The following SLTM variants were observed in gnomAD, a reference collection of about 807,000 sequenced individuals.
SLTM encodes SAFB like transcription modulator.
In SLTM, 43 loss-of-function variants were observed where a neutral mutation model predicts 134.6. That is an observed-to-expected ratio of 0.32 (90% CI 0.25 to 0.41). SLTM has a LOEUF of 0.41. Ranked by LOEUF, SLTM falls within the 10% of genes least tolerant of loss-of-function variation. SLTM has a pLI of 1.00. For synonymous variants in SLTM, 424 were observed against 432.3 expected, an observed-to-expected ratio of 0.98 and a Z score of 0.24; for missense variants, 1,055 against 1,288.8, an observed-to-expected ratio of 0.82 and a Z score of 2.78.
At chr15:58,919,365 G>A (rs1033855110) in intron 2 of SLTM, among the ~76,000 whole-genome samples, 1 of 152,082 alleles carries the variant, frequency 6.6e-6, no homozygotes, top group Non-Finnish European at 1.5e-5. Flanking sequence ...GAGGCTGGAG[G>A]GGGAGAATCG....
At chr15:58,909,387 A>G (rs1295570684) in intron 5 of SLTM, among the ~76,000 whole-genome samples, 12 of 152,248 alleles carry the variant, frequency 7.9e-5, no homozygotes, top group African/African-American at 2.9e-4. Context: ...CAGAGATGCC[A>G]GTGAAGCAGC....
At chr15:58,929,867 CAA>C (rs1217981592) in intron 2 of SLTM, among the ~76,000 whole-genome samples, 7 of 152,170 alleles carry the variant, frequency 4.6e-5, no homozygotes, top group African/African-American at 1.2e-4. Flanking sequence ...GAATTTGAGA[CAA>C]GAGCATTCTT....
intron 2 of SLTM, among the ~76,000 whole-genome samples, chr15:58,921,979 T>C (rs1425481757): frequency 6.6e-6 from 1 of 152,138 alleles, no homozygotes; most frequent in Non-Finnish European, 1.5e-5. Flanking sequence ...TTCAGCATGT[T>C]GACCAGGCTA....
chr15:58,887,340 T>C lies in SLTM; in HGVS notation c.2576A>G (p.His859Arg), dbSNP rs1224785892. 1.2e-6 allele frequency: 2 copies of C among 1,614,076 alleles called. No individual in the cohort carries two copies. The highest frequency in any genetic ancestry group is 2.7e-5 in the African/African-American group (2 of 75,008). Residue 859 changes from histidine to arginine, a missense_variant, in exon 18 of 21, where the codon CAT (histidine) becomes CGT (arginine). Coordinates refer to ENST00000380516, the MANE Select transcript of SLTM (RefSeq NM_024755.4). The stretch of plus-strand genomic sequence containing the variant: ...AGGATGAGTGATATCAGGCCTGTCA[T>C]GAATAATCACCGTTCTCCTTTCGTC... ...ERDERRTVII[H>R]DRPDITHPRH... is the part of the protein sequence containing the mutation.
intron 2 of SLTM, among the ~76,000 whole-genome samples, chr15:58,922,646 T>A (rs1488771387): frequency 6.8e-6 from 1 of 147,136 alleles, no homozygotes; most frequent in Non-Finnish European, 1.5e-5. Context: ...ATATTATATA[T>A]TATATGCGTA....
At chr15:58,897,010 G>T in intron 9 of SLTM, 105 bp downstream of exon 9, 1 of 719,088 alleles carries the variant, frequency 1.4e-6, no homozygotes, top group South Asian at 1.7e-5. Context: ...ACAGTCCTAA[G>T]AGATACAATA....
Position 58,893,895 on chromosome 15 carries a change from T to A in SLTM, c.1574A>T (p.Asp525Val), listed in dbSNP as rs1439831009. The change falls in exon 12 of 21, where the codon GAT (aspartate) becomes GTT (valine). Residue 525 changes from aspartate (D) to valine (V), a missense_variant. Physicochemically the swap from Asp to Val is radical, Grantham distance 152. Transcript: ENST00000380516. ...SKDTKKIEGKDEKNDNGASGQ... is the reference protein window; with the variant it reads ...SKDTKKIEGKVEKNDNGASGQ... ...ACTTGCTCCATTATCATTCTTCTCA[T>A]CTTTACCTTCTATTTTCTTAGTATC... is the stretch of plus-strand genomic sequence containing the variant. 1 of 1,613,426 alleles carries A rather than the reference T, an allele frequency of 6.2e-7. No individual in the cohort carries two copies. The highest frequency in any genetic ancestry group is 1.3e-5 in the African/African-American group (1 of 75,000).
At chr15:58,911,586 A>C (rs1259323502) in intron 5 of SLTM, among the ~76,000 whole-genome samples, 1 of 151,764 alleles carries the variant, frequency 6.6e-6, no homozygotes, top group Admixed American at 6.6e-5. Context: ...TGGTTTTTAT[A>C]AGATTAAAAA....
chr15:58,907,553 C>T (rs2035949999), intron 5 of SLTM, among the ~76,000 whole-genome samples: 1 of 152,070 alleles, frequency 6.6e-6, no homozygotes, highest in African/African-American at 2.4e-5. Flanking sequence ...CCCAGGAGGT[C>T]AAGGCTGCAG....
At chr15:58,931,885 G>C (rs773391829) in intron 2 of SLTM, among the ~76,000 whole-genome samples, 1 of 152,084 alleles carries the variant, frequency 6.6e-6, no homozygotes, top group Non-Finnish European at 1.5e-5. Context: ...CTAAAAATTA[G>C]GAGGTATAAT....
intron 9 of SLTM, among the ~76,000 whole-genome samples, chr15:58,896,289 T>C (rs1312610422): frequency 8.5e-5 from 13 of 152,222 alleles, no homozygotes; most frequent in African/African-American, 2.9e-4. Flanking sequence ...CGTGGTGCGA[T>C]GGCTCACACC....
At chr15:58,892,435 A>G (rs1375640727) in intron 14 of SLTM, among the ~76,000 whole-genome samples, 1 of 152,238 alleles carries the variant, frequency 6.6e-6, no homozygotes. Context: ...TAAATTTGTT[A>G]AAATTTCAGA....
Position 58,911,516 on chromosome 15 carries a change from G to A in SLTM, c.561+1047C>T, listed in dbSNP as rs182354037. 1.4e-3 allele frequency among the ~76,000 whole-genome samples: 210 copies of A among 152,062 alleles called. 1 individual carries two copies. The highest frequency in any genetic ancestry group is 5.0e-3 in the African/African-American group (205 of 41,386). Reference sequence around the variant, plus strand: ...ACCAATGGGCGCTGACTCCCTTCACGGGGGATGCATGCATTTATCAGATGA... The same window carrying A: ...ACCAATGGGCGCTGACTCCCTTCACAGGGGATGCATGCATTTATCAGATGA... On this transcript the variant is annotated intron_variant, in intron 5 of 20. Transcript: ENST00000380516.
chr15:58,917,200 C>T (rs142936504), intron 2 of SLTM, among the ~76,000 whole-genome samples: 114 of 152,288 alleles, frequency 7.5e-4, no homozygotes, highest in African/African-American at 2.6e-3. Flanking sequence ...TGAAATACAC[C>T]GTGCACAGAA....
chr15:58,900,056 G>GA, intron 6 of SLTM, 119 bp from the exon 7 acceptor site: 1 of 634,524 alleles, frequency 1.6e-6, no homozygotes, highest in African/African-American at 2.0e-5. Flanking sequence ...ATGGAAGTTA[G>GA]GGAAAAAAAA....
intron 5 of SLTM, among the ~76,000 whole-genome samples, chr15:58,902,022 T>C (rs2035519492): frequency 6.6e-6 from 1 of 152,192 alleles, no homozygotes; most frequent in African/African-American, 2.4e-5. Flanking sequence ...AATTTTAACA[T>C]ATTTGACAGT....
chr15:58,908,859 T>C (rs1006006140), intron 5 of SLTM, among the ~76,000 whole-genome samples: 3 of 152,226 alleles, frequency 2.0e-5, no homozygotes, highest in Non-Finnish European at 4.4e-5. Flanking sequence ...AGTAACTACA[T>C]TGGTGGTAGT....
intron 3 of SLTM, among the ~76,000 whole-genome samples, chr15:58,915,843 C>G (rs1428023838): frequency 6.6e-6 from 1 of 151,516 alleles, no homozygotes; most frequent in African/African-American, 2.4e-5. Context: ...CTAGTTTTAC[C>G]CAGAAAACAG....
At chr15:58,933,091 C>A (rs1292462472) in intron 1 of SLTM, among the ~76,000 whole-genome samples, 4 of 152,138 alleles carry the variant, frequency 2.6e-5, no homozygotes, top group Admixed American at 2.6e-4. Flanking sequence ...CAGGTCTCCG[C>A]GATCGCCCTT....
Sources: allele counts gnomAD v4.1 joint callset (sites outside exome capture counted in the v4.1 genomes callset), GRCh38; gene constraint gnomAD v4.1.1; transcripts MANE v1.5; gene names NCBI Gene and HGNC (gene_info 2026-07-23, HGNC 2026-07-21).